The following CYFIP1 variants were observed in gnomAD, a reference collection of about 807,000 sequenced individuals.
CYFIP1 encodes the protein cytoplasmic FMR1 interacting protein 1, also known as cytoplasmic FMR1-interacting protein 1.
Under a neutral mutation model 163.5 loss-of-function variants are expected in CYFIP1, and 58 were observed. The observed-to-expected ratio is 0.35, with a 90% CI of 0.29 to 0.44. The LOEUF (loss-of-function observed/expected upper bound fraction) is 0.44. CYFIP1 is among the 20% of genes least tolerant of loss of function. The probability of loss-of-function intolerance (pLI) is 1.00; values close to 1 mark genes in which losing one functional copy is unlikely to be tolerated. For synonymous variants in CYFIP1, 663 were observed against 660.7 expected, an observed-to-expected ratio of 1.00 and a Z score of -0.05; for missense variants, 1,338 against 1,653.8, an observed-to-expected ratio of 0.81 and a Z score of 3.31.
chr15:22,917,141 G>A lies in CYFIP1; in HGVS notation c.1675-511C>T, dbSNP rs1298737340. The A allele has an allele frequency of 6.9e-7, 1 of 1,443,800 alleles. No homozygotes were observed. The highest frequency in any genetic ancestry group is 1.4e-5 in the African/African-American group (1 of 70,030). The allele number at this position is 1,443,800 out of a possible 1,614,324, so 89.4% of individuals were successfully genotyped here. On this transcript the variant is annotated intron_variant, in intron 15 of 30. Coordinates refer to ENST00000617928, the MANE Select transcript of CYFIP1 (RefSeq NM_014608.6). This position sits in a 1 kb window ranked among gnomAD's most constrained non-coding sequence, Gnocchi z 4.2. ...GCAGAGGGAGGCAGGGAGGGTGGCT[G>A]GCACCACGCACAGGCCGAGGGCCGT...
intron 1 of CYFIP1, among the ~76,000 whole-genome samples, chr15:22,961,683 T>C (rs2062687602): frequency 6.6e-6 from 1 of 152,096 alleles, no homozygotes; most frequent in Non-Finnish European, 1.5e-5. Context: ...CCCCTGCCTG[T>C]TTTTCTTCAT....
At position 22,939,203 on chromosome 15, in the gene CYFIP1, T is replaced by C. The variant is rs1411874755; in HGVS notation, c.784A>G (p.Met262Val). Residue 262 changes from methionine (M) to valine (V), a missense_variant, in exon 8 of 31, where the codon ATG becomes GTG. By Grantham distance (21) the Met-to-Val change is conservative. This residue lies in a region of CYFIP1 where 824 missense variants were observed against 995.7 expected (regional missense o/e 0.83). Transcript: ENST00000617928. ...RMYLTPSEKH[M>V]LLKVMGFGLY... ...CCCCACACACGTACTTTGAGAAGCA[T>C]GTGTTTCTCACTGGGCGTCAAATAC... 1.2e-6 allele frequency: 2 copies of C among 1,614,162 alleles called. No homozygotes were observed. Among genetic ancestry groups the C allele is most frequent in the Non-Finnish European group, 1.7e-6 (2 of 1,180,034 alleles).
At chr15:22,945,750 A>AT (rs529858683) in intron 3 of CYFIP1, among the ~76,000 whole-genome samples, 14,145 of 142,560 alleles carry the variant, frequency 0.099, 870 homozygotes, top group Middle Eastern at 0.15. Flanking sequence ...TAATTTTTGT[A>AT]TTTTTTTTTT....
intron 1 of CYFIP1, among the ~76,000 whole-genome samples, chr15:22,957,070 T>C (rs72696053): frequency 8.1e-4 from 123 of 152,358 alleles, no homozygotes; most frequent in Non-Finnish European, 1.3e-3. Flanking sequence ...AAGGCGTCGG[T>C]GCCACGCAGG....
chr15:22,949,861 G>T (rs1045738170), intron 1 of CYFIP1, among the ~76,000 whole-genome samples: 2 of 151,940 alleles, frequency 1.3e-5, no homozygotes, highest in Admixed American at 1.3e-4. Context: ...AAGCTGTACA[G>T]CCAGGCGCTG....
intron 5 of CYFIP1, 71 bp from the exon 6 acceptor site, chr15:22,943,425 G>T: frequency 1.3e-6 from 2 of 1,493,072 alleles, no homozygotes; most frequent in Non-Finnish European, 9.2e-7. Flanking sequence ...CCTCCTTCAA[G>T]CACCTGCAGT....
At chr15:22,910,387 C>T in intron 20 of CYFIP1, 133 bp downstream of exon 20, 2 of 676,720 alleles carry the variant, frequency 3.0e-6, no homozygotes, top group Non-Finnish European at 5.1e-6. Context: ...GTCTTGAACT[C>T]CTAACCTCAG....
intron 22 of CYFIP1, among the ~76,000 whole-genome samples, chr15:22,902,315 G>A (rs975636825): frequency 2.0e-5 from 3 of 152,164 alleles, no homozygotes; most frequent in African/African-American, 7.2e-5. Context: ...GTCACCTCCC[G>A]GGGTGTGGGG....
intron 16 of CYFIP1, chr15:22,915,094 C>A: frequency 2.2e-6 from 1 of 458,812 alleles, no homozygotes; most frequent in Non-Finnish European, 3.8e-6. Context: ...CTCATCAACC[C>A]TGTGAGCCCT....
intron 1 of CYFIP1, among the ~76,000 whole-genome samples, chr15:22,978,508 T>C (rs1303359412): frequency 6.6e-6 from 1 of 152,006 alleles, no homozygotes; most frequent in Non-Finnish European, 1.5e-5. Flanking sequence ...TGTATGACGA[T>C]AATATATGCA....
chr15:22,909,364 G>C, intron 20 of CYFIP1, 51 bp from the exon 21 acceptor site: 1 of 1,602,342 alleles, frequency 6.2e-7, no homozygotes, highest in South Asian at 1.1e-5. Flanking sequence ...TGAGCAGCTC[G>C]AAAACAACAA....
At chr15:22,882,321 G>A (rs1184977815) in intron 24 of CYFIP1, among the ~76,000 whole-genome samples, 1 of 152,218 alleles carries the variant, frequency 6.6e-6, no homozygotes, top group African/African-American at 2.4e-5. Context: ...CTGTGGTGAG[G>A]TCAGCAATCC....
At chr15:22,943,482 G>T in intron 5 of CYFIP1, 128 bp from the exon 6 acceptor site, 2 of 1,045,802 alleles carry the variant, frequency 1.9e-6, no homozygotes, top group Non-Finnish European at 2.7e-6. Context: ...GCTCCAGGCC[G>T]AAGTGTTTAC....
At chr15:22,879,812 C>T (rs1311984942) in intron 26 of CYFIP1, 101 bp downstream of exon 26, 3 of 828,732 alleles carry the variant, frequency 3.6e-6, no homozygotes, top group Non-Finnish European at 5.6e-6. Flanking sequence ...GCTGTTGCCA[C>T]ACCCCCACTA....
In CYFIP1 at chr15:22,914,817, T is replaced by C. The variant is rs765040203; in HGVS notation, c.1894A>G (p.Met632Val). 2 of 1,613,366 alleles carry C rather than the reference T, an allele frequency of 1.2e-6. No individual in the cohort carries two copies. Among genetic ancestry groups the C allele is most frequent in the Non-Finnish European group, 8.5e-7 (1 of 1,179,726 alleles). Reference sequence around the variant, plus strand: ...ATGGGGAACTGGATCCTCCTGCCCATGGTCAGCTCCAGGAAGAACTCTCGG... The same window carrying C: ...ATGGGGAACTGGATCCTCCTGCCCACGGTCAGCTCCAGGAAGAACTCTCGG... ...WFREFFLELT[M>V]GRRIQFPIEM... The change falls in exon 17 of 31, where the codon ATG (methionine) becomes GTG (valine). Residue 632 changes from methionine (M) to valine (V), a missense_variant. Met to Val is a conservative substitution (Grantham distance 21). Coordinates refer to ENST00000617928, the MANE Select transcript of CYFIP1 (RefSeq NM_014608.6).
intron 11 of CYFIP1, 42 bp downstream of exon 11, chr15:22,932,181 C>T (rs933668059): frequency 6.8e-6 from 10 of 1,465,914 alleles, no homozygotes; most frequent in South Asian, 3.7e-5. Flanking sequence ...CACACACAGG[C>T]GACCCTCGGG....
At chr15:22,889,293 G>A (rs2060006937) in intron 23 of CYFIP1, among the ~76,000 whole-genome samples, 1 of 152,180 alleles carries the variant, frequency 6.6e-6, no homozygotes, top group Non-Finnish European at 1.5e-5. Flanking sequence ...TCCCTGAGGT[G>A]GTGCCCATGC....
chr15:22,896,655 T>C (rs2060246914), intron 22 of CYFIP1, among the ~76,000 whole-genome samples: 1 of 152,188 alleles, frequency 6.6e-6, no homozygotes, highest in Admixed American at 6.5e-5. Context: ...TCAGCTTTAA[T>C]TCACTGGATT....
intron 11 of CYFIP1, 78 bp from the exon 12 acceptor site, chr15:22,928,106 A>G (rs571575194): frequency 7.2e-7 from 1 of 1,390,936 alleles, no homozygotes; most frequent in South Asian, 1.5e-5. Context: ...CACCATGAGA[A>G]TCCACCCCAA....
Sources: gnomAD v4.1 joint callset for allele counts (sites outside exome capture counted in the v4.1 genomes callset) on GRCh38, gnomAD v4.1.1 for gene constraint, gnomAD v4.1.1 regional missense constraint, Gnocchi (gnomAD v3.1) non-coding constraint, MANE v1.5 for transcripts, NCBI Gene and HGNC (gene_info 2026-07-23, HGNC 2026-07-21) for gene names.